The following SULT1B1 variants were observed in gnomAD, a reference collection of about 807,000 sequenced individuals.
SULT1B1 encodes the protein sulfotransferase 1B1.
Under a neutral mutation model 34.6 loss-of-function variants are expected in SULT1B1, and 28 were observed. The ratio of observed to expected loss-of-function variants is 0.81; its 90% CI spans 0.60 to 1.11. The LOEUF (loss-of-function observed/expected upper bound fraction) is 1.11, where lower values mean the gene tolerates loss of function less well. SULT1B1 is among the 50% of genes least tolerant of loss of function. The pLI, the probability that SULT1B1 is intolerant of heterozygous loss-of-function variation, is 0.00. For missense variants in SULT1B1, 374 were observed against 352.2 expected (o/e 1.06, Z -0.50); for synonymous variants, 147 against 110.2 (o/e 1.33, Z -2.09).
chr4:69,758,448 T>G, intron 1 of SULT1B1: 1 of 985,362 alleles, frequency 1.0e-6, no homozygotes. Flanking sequence ...TGAAACATTT[T>G]ATTTTATTAA....
In SULT1B1 at chr4:69,726,908, A is replaced by G; in HGVS notation, c.*180T>C. 2 of 464,844 alleles carry G rather than the reference A, an allele frequency of 4.3e-6. No homozygotes were observed. The allele number at this position is 464,844 out of a possible 1,614,324, so 28.8% of individuals were successfully genotyped here. A position where few individuals can be genotyped will look rare whatever the true frequency, so the allele number is the denominator to read the frequency against. On this transcript the variant is annotated 3_prime_UTR_variant, in exon 8 of 8. Transcript: ENST00000310613. ...AACTTTAGCCTTAGAGAATTTGGAA[A>G]CTCAGAATCAAAGGAACAAAACTGG...
chr4:69,754,712 C>G lies in SULT1B1; in HGVS notation c.235G>C (p.Val79Leu). 2 of 1,613,296 alleles carry G rather than the reference C, an allele frequency of 1.2e-6. No homozygotes were observed. Among genetic ancestry groups the G allele is most frequent in the Non-Finnish European group, 8.5e-7 (1 of 1,179,532 alleles). The change falls in exon 3 of 8, where the codon GTT becomes CTT. Residue 79 changes from valine to leucine, a missense_variant. Coordinates refer to ENST00000310613, the MANE Select transcript of SULT1B1 (RefSeq NM_014465.4). ...GGGAGAGTCATTTCCAACATTGGAA[C>G]TTTTTCAGTAATAAAACCTCGCTTA... Reference protein sequence around the residue: ...KCKRGFITEKVPMLEMTLPGL... With the variant: ...KCKRGFITEKLPMLEMTLPGL...
chr4:69,734,115 A>G, intron 5 of SULT1B1, 23 bp downstream of exon 5: 1 of 1,544,062 alleles, frequency 6.5e-7, no homozygotes, highest in Admixed American at 2.0e-5. Context: ...ATACTTATCA[A>G]TTTTAAGATA....
chr4:69,755,174 A>T lies in SULT1B1; in HGVS notation c.44T>A (p.Val15Asp). The T allele has an allele frequency of 6.2e-7, 1 of 1,613,834 alleles. No homozygotes were observed. The highest frequency in any genetic ancestry group is 8.5e-7 in the Non-Finnish European group (1 of 1,179,716). ...KDILRKDLKL[V>D]HGYPMTCAFA... ...AGCACAGGTCATGGGATAACCATGG[A>T]CCAACTTCAGATCTTTTCGCAGAAT... The change falls in exon 2 of 8, where the codon GTC (valine) becomes GAC (aspartate). Residue 15 changes from valine (V) to aspartate (D), a missense_variant. Coordinates refer to ENST00000310613, the MANE Select transcript of SULT1B1 (RefSeq NM_014465.4).
chr4:69,753,441 C>T (rs1209000059), intron 3 of SULT1B1, among the ~76,000 whole-genome samples: 2 of 152,148 alleles, frequency 1.3e-5, no homozygotes, highest in East Asian at 1.9e-4. Flanking sequence ...TGCATAAAAC[C>T]CTTCAATATC....
chr4:69,732,205 G>A (rs1423231697), intron 6 of SULT1B1, among the ~76,000 whole-genome samples: 1 of 152,112 alleles, frequency 6.6e-6, no homozygotes, highest in African/African-American at 2.4e-5. Context: ...CTGTGTAAAG[G>A]GACAATGATA....
intron 3 of SULT1B1, among the ~76,000 whole-genome samples, chr4:69,751,305 A>T (rs1214467719): frequency 6.6e-6 from 1 of 152,216 alleles, no homozygotes; most frequent in South Asian, 2.1e-4. Context: ...CTTGTTCCGC[A>T]TTCAGCTTCC....
rs28886394 is a variant in SULT1B1 at position 69,756,175 on chromosome 4, C to T, written c.-44-914G>A. On this transcript the variant is annotated intron_variant, in intron 1 of 7. Coordinates refer to ENST00000310613, the MANE Select transcript of SULT1B1 (RefSeq NM_014465.4). ...CTCAACTTTTTAAGCATACTAAGTA[C>T]GGTTATAATGATTTTTTTCTTTGTT... Among the ~76,000 whole-genome samples the T allele has an allele frequency of 2.6e-3, 395 of 152,102 alleles. 2 individuals are homozygous for T. The highest frequency in any genetic ancestry group is 8.5e-3 in the African/African-American group (352 of 41,514).
intron 1 of SULT1B1, among the ~76,000 whole-genome samples, chr4:69,755,960 T>G (rs1419254761): frequency 1.3e-5 from 2 of 152,098 alleles, no homozygotes; most frequent in African/African-American, 4.8e-5. Flanking sequence ...GATTATCTAT[T>G]TAGTTTTTTA....
chr4:69,757,271 A>G (rs1232780371), intron 1 of SULT1B1, among the ~76,000 whole-genome samples: 1 of 152,174 alleles, frequency 6.6e-6, no homozygotes, highest in Non-Finnish European at 1.5e-5. Flanking sequence ...TATTGTATAG[A>G]TAGAATTTGA....
intron 3 of SULT1B1, among the ~76,000 whole-genome samples, chr4:69,752,523 A>T (rs1245700079): frequency 1.3e-5 from 2 of 152,222 alleles, no homozygotes; most frequent in Non-Finnish European, 2.9e-5. Flanking sequence ...TCCTTTTGTT[A>T]TATAAGTAAA....
chr4:69,750,970 G>T (rs1400177458), intron 3 of SULT1B1, among the ~76,000 whole-genome samples: 1 of 152,210 alleles, frequency 6.6e-6, no homozygotes, highest in Non-Finnish European at 1.5e-5. Flanking sequence ...TGAATTATCA[G>T]ATAAATAGGT....
chr4:69,755,723 C>T (rs990006681), intron 1 of SULT1B1, among the ~76,000 whole-genome samples: 2 of 151,966 alleles, frequency 1.3e-5, no homozygotes, highest in African/African-American at 4.8e-5. Context: ...TTATTTTGAG[C>T]AAGTAGATTA....
At position 69,723,395 on chromosome 4, in the gene SULT1B1, C is replaced by T. The variant is rs1717713892; in HGVS notation, c.*3693G>A. ...GAGGCAATAATTAATAGCTTACCAA[C>T]CAAAAGAAGTCCAGGACCAGATAGA... On this transcript the variant is annotated 3_prime_UTR_variant, in exon 8 of 8. Transcript: ENST00000310613. 1 of 152,118 alleles carries T rather than the reference C, an allele frequency of 6.6e-6. No homozygotes were observed. Among genetic ancestry groups the T allele is most frequent in the African/African-American group, 2.4e-5 (1 of 41,412 alleles). The allele number at this position is 152,118 out of a possible 1,614,324, so 9.4% of individuals were successfully genotyped here.
rs755289109 is a variant in SULT1B1, at chr4:69,759,870, T to C, written c.-45+589A>G. On this transcript the variant is annotated intron_variant, in intron 1 of 7. Transcript: ENST00000310613. Reference sequence around the variant, plus strand: ...AAAATTAAAATGTCTAAAATTGACTTTAAGGAATATTAATGGAACAAAAGA... The same window carrying C: ...AAAATTAAAATGTCTAAAATTGACTCTAAGGAATATTAATGGAACAAAAGA... 2.0e-5 allele frequency among the ~76,000 whole-genome samples: 3 copies of C among 152,234 alleles called. No homozygotes were observed. In the East Asian group the frequency reaches 5.8e-4, roughly 29 times the overall value.
chr4:69,755,843 G>A (rs1719169072), intron 1 of SULT1B1, among the ~76,000 whole-genome samples: 1 of 151,942 alleles, frequency 6.6e-6, no homozygotes, highest in South Asian at 2.1e-4. Flanking sequence ...CATCAAATTT[G>A]GATAATTTTC....
chr4:69,730,405 G>A (rs1718025720), intron 7 of SULT1B1, 96 bp downstream of exon 7: 1 of 1,155,316 alleles, frequency 8.7e-7, no homozygotes, highest in African/African-American at 1.5e-5. Flanking sequence ...GCTTAAACAG[G>A]CTAAGAAACT....
chr4:69,744,068 T>G lies in SULT1B1; in HGVS notation c.375+5653A>C, dbSNP rs555790018. On this transcript the variant is annotated intron_variant, in intron 4 of 7. Transcript: ENST00000310613. ...GGTGGGGCTCCTGCCTGCTCCCTGCTTCCGCTGGCTTCGTGGAGCAGGGCA... is the reference window on the plus strand; with the variant it reads ...GGTGGGGCTCCTGCCTGCTCCCTGCGTCCGCTGGCTTCGTGGAGCAGGGCA... 5.9e-5 allele frequency among the ~76,000 whole-genome samples: 9 copies of G among 152,300 alleles called. No individual in the cohort carries two copies. The South Asian group carries it at 1.9e-3, about 32-fold the overall frequency.
intron 3 of SULT1B1, 86 bp from the exon 4 acceptor site, chr4:69,749,904 A>T: frequency 1.1e-6 from 1 of 919,440 alleles, no homozygotes; most frequent in Non-Finnish European, 1.8e-6. Context: ...TTTTCAAGAC[A>T]TTTTTGAGCA....
Sources: gnomAD v4.1 joint callset for allele counts (sites outside exome capture counted in the v4.1 genomes callset) on GRCh38, gnomAD v4.1.1 for gene constraint, MANE v1.5 for transcripts, NCBI Gene and HGNC (gene_info 2026-07-23, HGNC 2026-07-21) for gene names.